ZFPM2: variants seen among roughly 807,000 people sequenced by gnomAD.
ZFPM2 encodes the protein zinc finger protein, FOG family member 2.
Under a neutral mutation model 98.6 loss-of-function variants are expected in ZFPM2, and 20 were observed. The ratio of observed to expected loss-of-function variants is 0.20; its 90% confidence interval spans 0.14 to 0.29. ZFPM2 has a LOEUF of 0.29. ZFPM2 is among the 10% of genes least tolerant of loss of function. The probability of loss-of-function intolerance (pLI) is 1.00; values close to 1 mark genes in which losing one functional copy is unlikely to be tolerated. For synonymous variants in ZFPM2, 518 were observed against 502.7 expected (o/e 1.03, Z -0.41); for missense variants, 1,310 against 1,388.6 (o/e 0.94, Z 0.90).
intron 6 of ZFPM2, among the ~76,000 whole-genome samples, chr8:105,797,509 G>A (rs916412809): frequency 2.6e-5 from 4 of 152,094 alleles, no homozygotes; most frequent in Admixed American, 6.5e-5. Flanking sequence ...GTGATGCTTC[G>A]TAATCATTAA....
chr8:105,498,027 C>CAAAAAAAAAAAAAA (rs1195802124), intron 3 of ZFPM2, among the ~76,000 whole-genome samples: 1 of 61,914 alleles, frequency 1.6e-5, no homozygotes, highest in African/African-American at 5.5e-5. Context: ...CCGTCTCTAC[C>CAAAAAAAAAAAAAA]AAAAAAAAAA....
chr8:105,509,172 C>T (rs1278144421), intron 3 of ZFPM2, among the ~76,000 whole-genome samples: 1 of 152,118 alleles, frequency 6.6e-6, no homozygotes, highest in East Asian at 1.9e-4. Context: ...ACATCTGTAC[C>T]TCAAAGGAAG....
At chr8:105,592,164 G>A (rs1034315258) in intron 4 of ZFPM2, among the ~76,000 whole-genome samples, 1 of 152,012 alleles carries the variant, frequency 6.6e-6, no homozygotes, top group Non-Finnish European at 1.5e-5. Flanking sequence ...GAGACTCAAA[G>A]CAAAACTATC....
At chr8:105,558,920 G>A (rs1815064342) in intron 3 of ZFPM2, among the ~76,000 whole-genome samples, 1 of 151,778 alleles carries the variant, frequency 6.6e-6, no homozygotes, top group Non-Finnish European at 1.5e-5. Context: ...AGTAAGTATG[G>A]TTGAAAAAAA....
At chr8:105,760,009 C>T (rs1053409745) in intron 5 of ZFPM2, among the ~76,000 whole-genome samples, 2 of 151,916 alleles carry the variant, frequency 1.3e-5, no homozygotes, top group African/African-American at 4.8e-5. Flanking sequence ...AGAGGTCAGC[C>T]GATGAGTGGA....
intron 5 of ZFPM2, among the ~76,000 whole-genome samples, chr8:105,730,218 A>G (rs1249963032): frequency 2.6e-5 from 4 of 151,688 alleles, no homozygotes; most frequent in Non-Finnish European, 5.9e-5. Context: ...TCTGGCTTAT[A>G]GGAGAACATG....
chr8:105,460,798 A>T (rs1384898417), intron 3 of ZFPM2, among the ~76,000 whole-genome samples: 1 of 152,168 alleles, frequency 6.6e-6, no homozygotes, highest in East Asian at 1.9e-4. Context: ...AAAGAAAAAA[A>T]AAATGCTCCA....
intron 3 of ZFPM2, among the ~76,000 whole-genome samples, chr8:105,508,232 G>T (rs73697366): frequency 0.014 from 2,170 of 152,244 alleles, 38 homozygotes; most frequent in African/African-American, 0.047. Context: ...GCAGCTGCTA[G>T]AGTACCAGTC....
chr8:105,401,685 G>A (rs1234756976), intron 1 of ZFPM2, among the ~76,000 whole-genome samples: 1 of 152,050 alleles, frequency 6.6e-6, no homozygotes, highest in Admixed American at 6.6e-5. Flanking sequence ...AATAGGGGAA[G>A]CTAGTATTTG....
chr8:105,499,719 C>T lies in ZFPM2; in HGVS notation c.301+55338C>T, dbSNP rs80154918. ...CTCCTCACACCCTGTATAAATTTAA[C>T]GATTATTTCCAGACCAAAATGATTG... is the stretch of plus-strand genomic sequence containing the variant. On this transcript the variant is annotated intron_variant, in intron 3 of 7. Coordinates refer to ENST00000407775, the MANE Select transcript of ZFPM2 (RefSeq NM_012082.4). Among the ~76,000 whole-genome samples the T allele has an allele frequency of 1.8e-3, 275 of 152,046 alleles. 2 individuals carry two copies. The highest frequency in any genetic ancestry group is 3.4e-3 in the Middle Eastern group (1 of 294).
rs1554595526 is a variant in ZFPM2 at position 105,336,688 on chromosome 8, C to CCTCA, written c.40+17708_40+17709insTCAC. 4.0e-3 allele frequency among the ~76,000 whole-genome samples: 565 copies of CCTCA among 142,254 alleles called. 4 individuals carry two copies. The highest frequency in any genetic ancestry group is 9.0e-3 in the Admixed American group (125 of 13,924). The allele number at this position is 142,254 out of a possible 152,430, so 93.3% of individuals were successfully genotyped here. On this transcript the variant is annotated intron_variant, in intron 1 of 7. Transcript: ENST00000407775. ...GATTGATATTAAAATGTAATATACT[C>CCTCA]CACACACACACACACACACACACAC...
At chr8:105,674,805 A>C (rs376371816) in intron 5 of ZFPM2, among the ~76,000 whole-genome samples, 1 of 152,180 alleles carries the variant, frequency 6.6e-6, no homozygotes, top group African/African-American at 2.4e-5. Flanking sequence ...AAATCATTTC[A>C]TGGGTGCCTT....
At chr8:105,716,668 G>A (rs1459961875) in intron 5 of ZFPM2, among the ~76,000 whole-genome samples, 2 of 151,912 alleles carry the variant, frequency 1.3e-5, no homozygotes, top group Non-Finnish European at 2.9e-5. Flanking sequence ...AGATCCTCTT[G>A]ATTTAGTCAA....
intron 5 of ZFPM2, among the ~76,000 whole-genome samples, chr8:105,651,228 C>G (rs1403441098): frequency 1.3e-5 from 2 of 152,034 alleles, no homozygotes; most frequent in Non-Finnish European, 2.9e-5. Flanking sequence ...TTTGTAACTA[C>G]TCAGTGCCTG....
At chr8:105,565,794 C>A (rs1444254530) in intron 4 of ZFPM2, among the ~76,000 whole-genome samples, 13 of 152,146 alleles carry the variant, frequency 8.5e-5, no homozygotes, top group Admixed American at 6.5e-5. Flanking sequence ...ACACTATAAA[C>A]CTTGGCGTTA....
At chr8:105,435,958 A>T (rs1433982957) in intron 2 of ZFPM2, among the ~76,000 whole-genome samples, 1 of 152,210 alleles carries the variant, frequency 6.6e-6, no homozygotes, top group African/African-American at 2.4e-5. Context: ...AAGTTAGAAG[A>T]TGAAGGGTCT....
intron 3 of ZFPM2, among the ~76,000 whole-genome samples, chr8:105,457,985 T>C (rs1450091104): frequency 6.6e-6 from 1 of 152,214 alleles, no homozygotes; most frequent in African/African-American, 2.4e-5. Flanking sequence ...GGTAAAAGAT[T>C]AGCAAAGAAA....
At chr8:105,634,210 G>A (rs745406906) in intron 4 of ZFPM2, 36 bp from the exon 5 acceptor site, 5 of 1,515,820 alleles carry the variant, frequency 3.3e-6, no homozygotes, top group Non-Finnish European at 4.5e-6. Flanking sequence ...ATCAACGGAA[G>A]CAAATGGCAT....
chr8:105,798,523 G>A, intron 6 of ZFPM2: 1 of 508,806 alleles, frequency 2.0e-6, no homozygotes, highest in Non-Finnish European at 3.5e-6. Flanking sequence ...AGAGTCTGTG[G>A]GAAGTTAAAT....
Sources: gnomAD v4.1 joint callset for allele counts (sites outside exome capture counted in the v4.1 genomes callset) on GRCh38, gnomAD v4.1.1 for gene constraint, MANE v1.5 for transcripts, NCBI Gene and HGNC (gene_info 2026-07-23, HGNC 2026-07-21) for gene names.